CCDC181: variants seen among roughly 807,000 people sequenced by gnomAD.
CCDC181 encodes coiled-coil domain containing 181.
Under a neutral mutation model 58.7 loss-of-function variants are expected in CCDC181, and 35 were observed. That is an observed-to-expected ratio of 0.60 (90% CI 0.46 to 0.79). The LOEUF (loss-of-function observed/expected upper bound fraction) is 0.79. Ranked by LOEUF, CCDC181 falls within the 30% of genes least tolerant of loss-of-function variation. The pLI, the probability that CCDC181 is intolerant of heterozygous loss-of-function variation, is 0.00. For synonymous variants in CCDC181, 183 were observed against 197.5 expected, an observed-to-expected ratio of 0.93 and a Z score of 0.62; for missense variants, 517 against 583.9, an observed-to-expected ratio of 0.89 and a Z score of 1.18.
At chr1:169,432,681 T>C (rs1656952368) in intron 2 of CCDC181, among the ~76,000 whole-genome samples, 1 of 152,066 alleles carries the variant, frequency 6.6e-6, no homozygotes, top group Admixed American at 6.6e-5. Flanking sequence ...ATTCCTAGAA[T>C]GTAAGGATGG....
At chr1:169,459,361 T>G (rs1657770120) in intron 2 of CCDC181, among the ~76,000 whole-genome samples, 7 of 152,200 alleles carry the variant, frequency 4.6e-5, no homozygotes, top group Admixed American at 4.6e-4. Flanking sequence ...ATTTTTGAAA[T>G]ATTGCTTCTG....
intron 2 of CCDC181, among the ~76,000 whole-genome samples, chr1:169,445,677 T>C (rs539838370): frequency 6.6e-6 from 1 of 152,310 alleles, no homozygotes; most frequent in South Asian, 2.1e-4. Context: ...CCTTTGCTTC[T>C]ATTTTCTAGA....
upstream of CCDC181, among the ~76,000 whole-genome samples, chr1:169,430,953 T>C (rs1033632188): frequency 6.6e-6 from 1 of 152,214 alleles, no homozygotes; most frequent in Admixed American, 6.5e-5. Flanking sequence ...GTTACACTCC[T>C]ATGCAAACAT....
chr1:169,397,256 G>A lies in CCDC181; in HGVS notation c.1351C>T (p.Arg451Trp), dbSNP rs144173743. Residue 451 changes from arginine (R) to tryptophan (W), a missense_variant, in exon 5 of 6, where the codon CGG (arginine) becomes TGG (tryptophan). Transcript: ENST00000367806. ...CLFFLKGTEG[R>W]ERAFKQWLRR... ...ACTTACTGTTTAAAGGCCCTTTCCC[G>A]GCCTTCTGTTCCTTTAAGGAAGAAT... 420 of 1,601,342 alleles carry A rather than the reference G, an allele frequency of 2.6e-4. 3 individuals carry two copies. The South Asian group carries it at 3.9e-3, about 15-fold the overall frequency.
At position 169,421,654 on chromosome 1, in the gene CCDC181, A is replaced by C. The variant is rs1656468183; in HGVS notation, c.777T>G (p.Ser259=). ...ENDPQQLLPR[S]SNSSVSGTKK... ...TGGTGCCACTGACAGAGGAGTTGGAAGATCTGGGTAACAACTGCTGAGGGT... is the reference window on the plus strand; with the variant it reads ...TGGTGCCACTGACAGAGGAGTTGGACGATCTGGGTAACAACTGCTGAGGGT... The change falls in exon 3 of 6, where the codon TCT becomes TCG. Residue 259 remains serine, a synonymous_variant. Transcript: ENST00000367806. 6.2e-7 allele frequency: 1 copy of C among 1,614,038 alleles called. No individual in the cohort carries two copies. The highest frequency in any genetic ancestry group is 1.7e-5 in the Admixed American group (1 of 59,998).
chr1:169,459,964 C>G (rs896066984), intron 1 of CCDC181: 1 of 139,134 alleles, frequency 7.2e-6, no homozygotes, highest in African/African-American at 2.7e-5. Flanking sequence ...GCAGATAGAA[C>G]TATATCAAAC....
intron 4 of CCDC181, among the ~76,000 whole-genome samples, chr1:169,405,099 C>T (rs2102054215): frequency 6.6e-6 from 1 of 152,256 alleles, no homozygotes; most frequent in South Asian, 2.1e-4. Context: ...ATCCAACTTA[C>T]AAGGGATGTG....
chr1:169,396,803 T>G (rs1291561780), intron 5 of CCDC181, among the ~76,000 whole-genome samples: 1 of 152,218 alleles, frequency 6.6e-6, no homozygotes, highest in East Asian at 1.9e-4. Context: ...ATTTTCCTCC[T>G]TAGTCCACCT....
chr1:169,437,330 A>G (rs929277125), intron 2 of CCDC181, among the ~76,000 whole-genome samples: 2 of 152,192 alleles, frequency 1.3e-5, no homozygotes, highest in Non-Finnish European at 2.9e-5. Context: ...CATGATTCCT[A>G]AACCATAATT....
rs1656762869 is a variant in CCDC181 at position 169,427,401 on chromosome 1, G to GCAGCCAGGACCACACTGCCATGGCAA, written c.-163_-138dup. 6.6e-6 allele frequency: 1 copy of GCAGCCAGGACCACACTGCCATGGCAA among 152,340 alleles called. No individual in the cohort carries two copies. Among genetic ancestry groups the GCAGCCAGGACCACACTGCCATGGCAA allele is most frequent in the African/African-American group, 2.4e-5 (1 of 41,456 alleles). The allele number at this position is 152,340 out of a possible 1,614,324, so 9.4% of individuals were successfully genotyped here. A position where few individuals can be genotyped will look rare whatever the true frequency, so the allele number is the denominator to read the frequency against. On this transcript the variant is annotated 5_prime_UTR_variant, in exon 1 of 6. In the 5' UTR this introduces an upstream ATG that the reference lacks. Transcript: ENST00000367806. ...GGAGACCCCGGCACCTGCCTCCGCG[G>GCAGCCAGGACCACACTGCCATGGCAA]CAGCCAGGACCACACTGCCATGGCA...
In CCDC181 at chr1:169,445,109, C is replaced by T. The variant is rs376229084; in HGVS notation, c.-24+14688G>A. Among the ~76,000 whole-genome samples the T allele has an allele frequency of 2.6e-5, 4 of 152,232 alleles. No individual in the cohort carries two copies. In the South Asian group the frequency reaches 8.3e-4, roughly 32 times the overall value. On this transcript the variant is annotated intron_variant, in intron 2 of 6. Coordinates refer to the CCDC181 transcript ENST00000545005. Reference sequence around the variant, plus strand: ...CTTCCTCAAGTATAACAAGGTCTTTCCCATGTTTGATACTTCCTCCTGCCT... The same window carrying T: ...CTTCCTCAAGTATAACAAGGTCTTTTCCATGTTTGATACTTCCTCCTGCCT...
intron 4 of CCDC181, among the ~76,000 whole-genome samples, chr1:169,403,991 TCCCACAGAA>T: frequency 6.6e-6 from 1 of 152,062 alleles, no homozygotes; most frequent in Non-Finnish European, 1.5e-5. Context: ...TCACCACCGA[TCCCACAGAA>T]ATACAAACTA....
At chr1:169,429,255 T>C (rs1310257258), upstream of CCDC181, among the ~76,000 whole-genome samples, 3 of 152,220 alleles carry the variant, frequency 2.0e-5, no homozygotes, top group African/African-American at 7.2e-5. Context: ...CGAATTGTGC[T>C]GCGATAAACA....
At chr1:169,415,352 A>G (rs1479090735) in intron 4 of CCDC181, among the ~76,000 whole-genome samples, 1 of 152,098 alleles carries the variant, frequency 6.6e-6, no homozygotes, top group East Asian at 1.9e-4. Flanking sequence ...CTGCTTCTTC[A>G]CCCAATCCCA....
Position 169,425,058 on chromosome 1 carries a change from T to C in CCDC181, c.-23-108A>G, listed in dbSNP as rs1656655559. On this transcript the variant is annotated intron_variant, in intron 1 of 5. Transcript: ENST00000367806. ...CTAATTAACACAGAGAAACACAAAA[T>C]AGAATGTTCAAAATGAACATGCACT... 3 of 487,466 alleles carry C rather than the reference T, an allele frequency of 6.2e-6. No homozygotes were observed. In the South Asian group the frequency reaches 1.1e-4, roughly 18 times the overall value. The allele number at this position is 487,466 out of a possible 1,614,324, so 30.2% of individuals were successfully genotyped here.
intron 4 of CCDC181, among the ~76,000 whole-genome samples, chr1:169,412,743 C>T (rs530589029): frequency 9.0e-4 from 137 of 152,086 alleles, no homozygotes; most frequent in Admixed American, 1.4e-3. Flanking sequence ...ACCTGATCTT[C>T]GACAAACCTG....
chr1:169,440,473 A>G (rs1316501074), intron 2 of CCDC181, among the ~76,000 whole-genome samples: 1 of 152,246 alleles, frequency 6.6e-6, no homozygotes, highest in African/African-American at 2.4e-5. Flanking sequence ...CACTCAAATC[A>G]GCCTCCCAGA....
intron 4 of CCDC181, 125 bp downstream of exon 4, chr1:169,418,888 G>A (rs1480854317): frequency 2.9e-6 from 2 of 681,814 alleles, no homozygotes; most frequent in Non-Finnish European, 5.0e-6. Flanking sequence ...CTTTTGCAAG[G>A]GTAGTTCTTG....
At chr1:169,440,569 C>A (rs1408208384) in intron 2 of CCDC181, among the ~76,000 whole-genome samples, 1 of 152,152 alleles carries the variant, frequency 6.6e-6, no homozygotes. Context: ...GACATAGAGG[C>A]ATCAACTAGT....
Sources: gnomAD v4.1 joint callset for allele counts (sites outside exome capture counted in the v4.1 genomes callset) on GRCh38, gnomAD v4.1.1 for gene constraint, MANE v1.5 for transcripts, NCBI Gene and HGNC (gene_info 2026-07-23, HGNC 2026-07-21) for gene names.